SPATA6: variants seen among roughly 807,000 people sequenced by gnomAD.
SPATA6 encodes the protein spermatogenesis-associated protein 6.
A neutral mutation model predicts 65.3 loss-of-function variants in SPATA6; 56 were observed. The observed-to-expected ratio is 0.86, with a 90% CI of 0.69 to 1.07. The LOEUF is 1.07. Among genes scored for constraint, SPATA6 ranks in the 50% least tolerant of loss-of-function variants. The probability of loss-of-function intolerance (pLI) is 0.00; values close to 1 mark genes in which losing one functional copy is unlikely to be tolerated. For missense variants in SPATA6, 590 were observed against 594.8 expected, an observed-to-expected ratio of 0.99 and a Z score of 0.08; for synonymous variants, 199 against 213.2, an observed-to-expected ratio of 0.93 and a Z score of 0.58.
rs1644855793 is a variant in SPATA6 at position 48,298,613 on chromosome 1, A to G, written c.*100T>C. On this transcript the variant is annotated 3_prime_UTR_variant, in exon 13 of 13. Coordinates refer to ENST00000371847, the MANE Select transcript of SPATA6 (RefSeq NM_019073.4). Reference sequence around the variant, plus strand: ...AGTATAACTATTGTACTTAGTTATAATCCCATTTTTTTTAAAAAAAGGAAT... The same window carrying G: ...AGTATAACTATTGTACTTAGTTATAGTCCCATTTTTTTTAAAAAAAGGAAT... 2 of 1,171,550 alleles carry G rather than the reference A, an allele frequency of 1.7e-6. No individual in the cohort carries two copies. The highest frequency in any genetic ancestry group is 2.4e-6 in the Non-Finnish European group (2 of 834,662). 72.6% of individuals were successfully genotyped at this position (1,171,550 alleles called of 1,614,324 possible).
chr1:48,324,621 A>C (rs1048650046), intron 11 of SPATA6, among the ~76,000 whole-genome samples: 8 of 152,158 alleles, frequency 5.3e-5, no homozygotes, highest in African/African-American at 1.7e-4. Context: ...AATACTAAAA[A>C]AGTATGTTAT....
intron 3 of SPATA6, among the ~76,000 whole-genome samples, chr1:48,419,691 A>G (rs1245812220): frequency 6.6e-6 from 1 of 152,218 alleles, no homozygotes; most frequent in Non-Finnish European, 1.5e-5. Context: ...ACTTAGGCAC[A>G]TCACTACTAT....
the SPATA6 span, among the ~76,000 whole-genome samples, chr1:48,270,150 G>A: frequency 1.3e-5 from 2 of 152,130 alleles, no homozygotes; most frequent in African/African-American, 2.4e-5. Flanking sequence ...TCCAGAGGAA[G>A]TGCATCCTAA....
chr1:48,299,311 C>T (rs1220923911), intron 12 of SPATA6, among the ~76,000 whole-genome samples: 4 of 151,436 alleles, frequency 2.6e-5, no homozygotes, highest in South Asian at 2.1e-4. Context: ...GTCGGGAGTT[C>T]GAGACTAGCC....
chr1:48,417,040 C>A (rs1652847238), intron 3 of SPATA6, among the ~76,000 whole-genome samples: 1 of 152,100 alleles, frequency 6.6e-6, no homozygotes, highest in African/African-American at 2.4e-5. Context: ...AAGAGTAAGA[C>A]ATACACTTCA....
intron 3 of SPATA6, among the ~76,000 whole-genome samples, chr1:48,445,307 G>A (rs1360777825): frequency 1.3e-5 from 2 of 152,110 alleles, no homozygotes; most frequent in Admixed American, 6.6e-5. Flanking sequence ...CATCTATGAG[G>A]TGCTGCCAGG....
chr1:48,359,179 T>TA (rs1646739993), intron 10 of SPATA6, among the ~76,000 whole-genome samples: 1 of 152,174 alleles, frequency 6.6e-6, no homozygotes, highest in South Asian at 2.1e-4. Flanking sequence ...GTAGGTTGTT[T>TA]GAGAAAACTA....
At chr1:48,390,446 T>G (rs1649935272) in intron 8 of SPATA6, among the ~76,000 whole-genome samples, 2 of 152,174 alleles carry the variant, frequency 1.3e-5, no homozygotes, top group Admixed American at 1.3e-4. Context: ...GAGCGGTAGC[T>G]TAACAGGTAC....
chr1:48,303,866 T>G (rs1430093080), intron 12 of SPATA6, among the ~76,000 whole-genome samples: 1 of 152,184 alleles, frequency 6.6e-6, no homozygotes, highest in African/African-American at 2.4e-5. Flanking sequence ...ACAATTCTGT[T>G]CTGTTTGTTT....
intron 5 of SPATA6, among the ~76,000 whole-genome samples, chr1:48,409,484 G>A (rs1398528279): frequency 1.3e-5 from 2 of 152,206 alleles, no homozygotes; most frequent in Non-Finnish European, 2.9e-5. Flanking sequence ...GGGATCTGGA[G>A]AATGGTGGCC....
At chr1:48,334,270 A>G (rs1411028915) in intron 11 of SPATA6, among the ~76,000 whole-genome samples, 5 of 151,638 alleles carry the variant, frequency 3.3e-5, no homozygotes, top group Admixed American at 2.6e-4. Flanking sequence ...CTCCTCCTCA[A>G]CTCATTCAAT....
the SPATA6 span, among the ~76,000 whole-genome samples, chr1:48,272,164 C>A: frequency 6.6e-6 from 1 of 152,208 alleles, no homozygotes; most frequent in East Asian, 1.9e-4. Flanking sequence ...TATCCATCAC[C>A]TCTACATAGT....
At position 48,425,640 on chromosome 1, in the gene SPATA6, G is replaced by A. The variant is rs560958219; in HGVS notation, c.239-12489C>T. Among the ~76,000 whole-genome samples, 491 of 152,200 alleles carry A rather than the reference G, an allele frequency of 3.2e-3. 3 individuals carry two copies. The highest frequency in any genetic ancestry group is 7.3e-3 in the Admixed American group (112 of 15,290). On this transcript the variant is annotated intron_variant, in intron 3 of 12. Coordinates refer to ENST00000371847, the MANE Select transcript of SPATA6 (RefSeq NM_019073.4). ...GACCCAAGAAACAGAACAGAATCTA[G>A]AAAAAAGTTCCACATGCCTACATGT...
At chr1:48,313,720 A>G (rs1042834923) in intron 11 of SPATA6, among the ~76,000 whole-genome samples, 5 of 152,220 alleles carry the variant, frequency 3.3e-5, no homozygotes, top group Admixed American at 3.3e-4. Context: ...TAAATGGGCT[A>G]AATATTCCAA....
intron 11 of SPATA6, chr1:48,325,663 C>T: frequency 1.6e-6 from 1 of 624,374 alleles, no homozygotes; most frequent in East Asian, 3.2e-5. Context: ...CTGGAAGCCC[C>T]AGTAAGCCCC....
intron 5 of SPATA6, among the ~76,000 whole-genome samples, chr1:48,404,657 T>A (rs1181078236): frequency 1.3e-5 from 2 of 151,928 alleles, no homozygotes; most frequent in South Asian, 2.1e-4. Context: ...CATTAAAATT[T>A]AAAAAAAACA....
intron 1 of SPATA6, among the ~76,000 whole-genome samples, chr1:48,459,729 A>T (rs1290293618): frequency 6.6e-6 from 1 of 152,196 alleles, no homozygotes; most frequent in Non-Finnish European, 1.5e-5. Context: ...GTCTCAATCA[A>T]CATAAAAGGA....
intron 3 of SPATA6, among the ~76,000 whole-genome samples, chr1:48,439,892 G>T (rs114714166): frequency 6.6e-6 from 1 of 152,138 alleles, no homozygotes; most frequent in East Asian, 1.9e-4. Flanking sequence ...ACCACCTGAG[G>T]AATGTATAAA....
chr1:48,421,568 T>C (rs936890511), intron 3 of SPATA6, among the ~76,000 whole-genome samples: 4 of 152,186 alleles, frequency 2.6e-5, no homozygotes, highest in East Asian at 3.9e-4. Flanking sequence ...TGAAATAGAC[T>C]GAAAAGACTT....
Sources: allele counts gnomAD v4.1 joint callset (sites outside exome capture counted in the v4.1 genomes callset), GRCh38; gene constraint gnomAD v4.1.1; transcripts MANE v1.5; gene names NCBI Gene and HGNC (gene_info 2026-07-23, HGNC 2026-07-21).